Variants in SLC30A7 observed in about 807,000 individuals in gnomAD.
The protein encoded by SLC30A7 is zinc transporter 7.
In SLC30A7, 35 loss-of-function variants were observed where a neutral mutation model predicts 46.0. The ratio of observed to expected loss-of-function variants is 0.76; its 90% confidence interval spans 0.58 to 1.01. The LOEUF is 1.01. Ranked by LOEUF, SLC30A7 falls within the 50% of genes least tolerant of loss-of-function variation. The pLI, the probability that SLC30A7 is intolerant of heterozygous loss-of-function variation, is 0.00. For synonymous variants in SLC30A7, 147 were observed against 157.8 expected (o/e 0.93, Z 0.51); for missense variants, 464 against 451.1 (o/e 1.03, Z -0.26).
intron 8 of SLC30A7, among the ~76,000 whole-genome samples, chr1:100,923,232 G>C (rs965382163): frequency 3.5e-5 from 5 of 144,340 alleles, no homozygotes; most frequent in Admixed American, 3.4e-4. Context: ...TAGCCAGGAT[G>C]GTCTCGATCT....
intron 8 of SLC30A7, among the ~76,000 whole-genome samples, chr1:100,958,207 C>T (rs909484938): frequency 1.7e-4 from 26 of 151,580 alleles, no homozygotes; most frequent in African/African-American, 5.8e-4. Flanking sequence ...GATGGAGTCT[C>T]GCTCTGTCAC....
Position 100,926,012 on chromosome 1 carries a change from T to C in SLC30A7, c.842+4171T>C, listed in dbSNP as rs76008685. 5.4e-3 allele frequency among the ~76,000 whole-genome samples: 819 copies of C among 152,272 alleles called. 2 individuals are homozygous for C. Among genetic ancestry groups the C allele is most frequent in the African/African-American group, 0.019 (796 of 41,544 alleles). On this transcript the variant is annotated intron_variant, in intron 8 of 10. Coordinates refer to ENST00000357650, the MANE Select transcript of SLC30A7 (RefSeq NM_133496.5). ...GTACTCCTGCCTGCTAAAACTGATT[T>C]AGCGTCAGGGGCCCTTTCAATATAG...
chr1:100,913,921 T>A, intron 6 of SLC30A7, 115 bp downstream of exon 6: 1 of 1,418,336 alleles, frequency 7.1e-7, no homozygotes, highest in Non-Finnish European at 9.4e-7. Flanking sequence ...TCTTTTCTAA[T>A]GAATCAGTCT....
chr1:100,925,977 C>T (rs1410954334), intron 8 of SLC30A7, among the ~76,000 whole-genome samples: 1 of 152,056 alleles, frequency 6.6e-6, no homozygotes, highest in African/African-American at 2.4e-5. Context: ...GGAAGATATC[C>T]CTCAGTATGG....
chr1:100,913,961 G>A (rs1652303024), intron 6 of SLC30A7, among the ~76,000 whole-genome samples, 155 bp downstream of exon 6: 2 of 152,108 alleles, frequency 1.3e-5, no homozygotes, highest in African/African-American at 4.8e-5. Context: ...TTTATTTTTT[G>A]TATAGCATGA....
chr1:100,944,468 A>T (rs772628496), intron 8 of SLC30A7, among the ~76,000 whole-genome samples: 18 of 152,168 alleles, frequency 1.2e-4, no homozygotes, highest in Non-Finnish European at 2.2e-4. Flanking sequence ...AAGAAAAAAA[A>T]ATTGGCTCCT....
Position 100,912,052 on chromosome 1 carries a change from T to A in SLC30A7, c.385-60T>A, listed in dbSNP as rs1652135614. 6 of 1,457,890 alleles carry A rather than the reference T, an allele frequency of 4.1e-6. No individual in the cohort carries two copies. In the African/African-American group the frequency reaches 8.5e-5, roughly 21 times the overall value. 90.3% of individuals were successfully genotyped at this position (1,457,890 alleles called of 1,614,324 possible). A position where few individuals can be genotyped will look rare whatever the true frequency, so the allele number is the denominator to read the frequency against. On this transcript the variant is annotated intron_variant, in intron 4 of 10. Coordinates refer to ENST00000357650, the MANE Select transcript of SLC30A7 (RefSeq NM_133496.5). ...AGTGTTTAATGTTGTCTTATGATTTTGTTAGTTGATCAATCAGAAATAATA... is the reference window on the plus strand; with the variant it reads ...AGTGTTTAATGTTGTCTTATGATTTAGTTAGTTGATCAATCAGAAATAATA...
the SLC30A7 span, chr1:100,990,273 G>A: frequency 1.3e-6 from 1 of 769,128 alleles, no homozygotes; most frequent in South Asian, 1.7e-5. Flanking sequence ...CTGCCCCCAT[G>A]ATTCAATTAC....
At chr1:100,990,436 G>A in the SLC30A7 span, 1 of 1,614,008 alleles carries the variant, frequency 6.2e-7, no homozygotes, top group Non-Finnish European at 8.5e-7. Flanking sequence ...TTGAGATTCT[G>A]AGCTATTTTC....
the SLC30A7 span, chr1:100,995,402 G>T: frequency 2.7e-6 from 1 of 371,712 alleles, no homozygotes. Context: ...GAAGACAAGG[G>T]AAAGAATTAG....
chr1:100,982,441 A>G (rs115599981), downstream of SLC30A7, among the ~76,000 whole-genome samples: 1,349 of 152,346 alleles, frequency 8.9e-3, 19 homozygotes, highest in African/African-American at 0.031. Context: ...AACTACCAGC[A>G]TATCAAATTC....
rs200508185 is a variant in SLC30A7, at chr1:100,912,253, A to G, written c.511+15A>G. 45 of 1,606,540 alleles carry G rather than the reference A, an allele frequency of 2.8e-5. No individual in the cohort carries two copies. Among genetic ancestry groups the G allele is most frequent in the Non-Finnish European group, 3.7e-5 (43 of 1,177,164 alleles). On this transcript the variant is annotated intron_variant, in intron 5 of 10. Transcript: ENST00000357650. ...TCATGGCTCTGGTATGATGGTTAGG[A>G]CACTTTGTTTCTTCATTTTCTACTA...
intron 8 of SLC30A7, among the ~76,000 whole-genome samples, chr1:100,952,883 A>G (rs1197862037): frequency 2.6e-5 from 4 of 152,346 alleles, no homozygotes; most frequent in African/African-American, 9.6e-5. Context: ...TTTGAACACT[A>G]TGTAGATTGG....
chr1:100,930,163 A>G (rs1174973585), intron 8 of SLC30A7, among the ~76,000 whole-genome samples: 1 of 152,070 alleles, frequency 6.6e-6, no homozygotes, highest in South Asian at 2.1e-4. Context: ...TTTTTAAAAA[A>G]ATCAATTTTC....
intron 10 of SLC30A7, chr1:100,972,151 G>GT (rs1320600848): frequency 5.4e-6 from 1 of 186,438 alleles, no homozygotes; most frequent in African/African-American, 2.4e-5. Context: ...GATCTGAGTA[G>GT]TGTTTTCATC....
At chr1:100,928,474 A>G (rs1473857231) in intron 8 of SLC30A7, among the ~76,000 whole-genome samples, 1 of 152,178 alleles carries the variant, frequency 6.6e-6, no homozygotes, top group Non-Finnish European at 1.5e-5. Flanking sequence ...TAATTATGGG[A>G]ATAATTATGT....
chr1:100,905,916 A>T (rs1651629199), intron 2 of SLC30A7, among the ~76,000 whole-genome samples: 1 of 152,118 alleles, frequency 6.6e-6, no homozygotes, highest in African/African-American at 2.4e-5. Flanking sequence ...CTTAACAATG[A>T]GTCTCTCTTT....
intron 2 of SLC30A7, among the ~76,000 whole-genome samples, chr1:100,898,158 A>T (rs1651087499): frequency 6.6e-6 from 1 of 152,132 alleles, no homozygotes; most frequent in Admixed American, 6.5e-5. Context: ...AGTGTATCAT[A>T]GCTTATATAT....
the SLC30A7 span, chr1:100,990,268 C>A: frequency 1.4e-6 from 1 of 731,614 alleles, no homozygotes; most frequent in Non-Finnish European, 2.3e-6. Context: ...GGAAACTGCC[C>A]CCATGATTCA....
Sources: allele counts gnomAD v4.1 joint callset (sites outside exome capture counted in the v4.1 genomes callset), GRCh38; gene constraint gnomAD v4.1.1; transcripts MANE v1.5; gene names NCBI Gene and HGNC (gene_info 2026-07-23, HGNC 2026-07-21).